Variants in NAT1 observed in about 807,000 individuals in gnomAD.
NAT1 encodes N-acetyltransferase 1.
For synonymous variants in NAT1, 144 were observed against 122.6 expected (o/e 1.17, Z -1.16); for missense variants, 400 against 339.2 (o/e 1.18, Z -1.41).
At chr8:18,211,745 T>C (rs1327717029) in intron 1 of NAT1, among the ~76,000 whole-genome samples, 10 of 152,042 alleles carry the variant, frequency 6.6e-5, no homozygotes, top group Non-Finnish European at 1.5e-5. Flanking sequence ...TAGGTTGTAG[T>C]GTCAATTTAG....
intron 2 of NAT1, among the ~76,000 whole-genome samples, chr8:18,220,848 A>G (rs8190841): frequency 0.018 from 2,760 of 152,304 alleles, 49 homozygotes; most frequent in Middle Eastern, 0.085. Flanking sequence ...ATCTACTTAG[A>G]TCATATGTTA....
chr8:18,172,941 G>A (rs991458695), intron 2 of NAT1, among the ~76,000 whole-genome samples: 11 of 152,200 alleles, frequency 7.2e-5, no homozygotes, highest in Admixed American at 1.3e-4. Flanking sequence ...CAGTGCCCCT[G>A]TAGAAGAACA....
intron 2 of NAT1, among the ~76,000 whole-genome samples, chr8:18,190,570 T>G (rs1159091150): frequency 6.6e-6 from 1 of 152,184 alleles, no homozygotes; most frequent in East Asian, 1.9e-4. Flanking sequence ...TCAGCTGCTT[T>G]CCTCTTTCAG....
At chr8:18,221,905 C>A (rs1805339926) in intron 2 of NAT1, 137 bp from the exon 3 acceptor site, 2 of 930,820 alleles carry the variant, frequency 2.1e-6, no homozygotes, top group Non-Finnish European at 3.2e-6. Flanking sequence ...GGAATTCATA[C>A]AATGAAAGCA....
chr8:18,170,868 GA>G (rs1289974485), intron 2 of NAT1: 1 of 151,094 alleles, frequency 6.6e-6, no homozygotes, highest in Non-Finnish European at 1.5e-5. Context: ...TTATCTCAGC[GA>G]CCTTTGTTCC....
intron 1 of NAT1, among the ~76,000 whole-genome samples, chr8:18,214,048 C>T (rs1589111723): frequency 6.6e-6 from 1 of 152,112 alleles, no homozygotes; most frequent in African/African-American, 2.4e-5. Flanking sequence ...CTCCTGACCT[C>T]GTGATCCGCC....
intron 2 of NAT1, among the ~76,000 whole-genome samples, chr8:18,184,920 T>C (rs993901121): frequency 5.3e-5 from 8 of 152,246 alleles, no homozygotes; most frequent in Non-Finnish European, 1.0e-4. Context: ...AAATGTACAG[T>C]GATATTTGAC....
chr8:18,219,510 A>C, intron 2 of NAT1, 21 bp downstream of exon 2: 1 of 1,444,772 alleles, frequency 6.9e-7, no homozygotes, highest in Non-Finnish European at 9.5e-7. Context: ...CCTTTCTGAG[A>C]GCTCTCAGTG....
intron 2 of NAT1, among the ~76,000 whole-genome samples, chr8:18,172,907 T>C (rs951758019): frequency 2.0e-5 from 3 of 152,186 alleles, no homozygotes; most frequent in East Asian, 1.9e-4. Flanking sequence ...AAACGAGCTG[T>C]TGTATCTGAA....
intron 2 of NAT1, among the ~76,000 whole-genome samples, chr8:18,185,542 G>T (rs1802699157): frequency 6.6e-6 from 1 of 151,932 alleles, no homozygotes; most frequent in African/African-American, 2.4e-5. Flanking sequence ...TTCCCTCTCT[G>T]TATCTGTCTT....
chr8:18,222,240 G>T lies in NAT1; in HGVS notation c.193G>T (p.Gly65Cys). The T allele has an allele frequency of 1.9e-6, 3 of 1,614,082 alleles. No individual in the cohort carries two copies. The highest frequency in any genetic ancestry group is 2.5e-6 in the Non-Finnish European group (3 of 1,179,990). The change falls in exon 3 of 3, where the codon GGT (glycine) becomes TGT (cysteine). Residue 65 changes from glycine (G) to cysteine (C), a missense_variant. Physicochemically the swap from Gly to Cys is radical, Grantham distance 159 (BLOSUM62 -3). Transcript: ENST00000307719. ...IFDQVVRRNR[G>C]GWCLQVNHLL... ...TGATCAAGTTGTGAGAAGAAATCGG[G>T]GTGGATGGTGTCTCCAGGTCAATCA... is the stretch of plus-strand genomic sequence containing the variant.
At chr8:18,192,456 C>G (rs1281524739) in intron 2 of NAT1, among the ~76,000 whole-genome samples, 8 of 152,274 alleles carry the variant, frequency 5.3e-5, no homozygotes, top group Admixed American at 6.5e-5. Flanking sequence ...TCTAGAACTA[C>G]AAATACCATG....
In NAT1 at chr8:18,187,394, A is replaced by G. The variant is rs778674164; in HGVS notation, n.92+16655A>G. On this transcript the variant is annotated intron_variant and non_coding_transcript_variant, in intron 2 of 4. Transcript: ENST00000517441. ...ATTGCTCTACCATAAAGACACATGC[A>G]TATGTATGTTCATTGCAGCACTATT... Among the ~76,000 whole-genome samples the G allele has an allele frequency of 1.9e-4, 29 of 152,218 alleles. 1 individual carries two copies. Among genetic ancestry groups the G allele is most frequent in the East Asian group, 5.8e-4 (3 of 5,196 alleles).
At chr8:18,177,478 A>G (rs1403618986) in intron 2 of NAT1, among the ~76,000 whole-genome samples, 7 of 152,270 alleles carry the variant, frequency 4.6e-5, no homozygotes, top group African/African-American at 1.4e-4. Flanking sequence ...CTTTATTTTT[A>G]TAAGTCCTGA....
intron 2 of NAT1, among the ~76,000 whole-genome samples, chr8:18,178,541 G>A (rs1589051729): frequency 1.3e-5 from 2 of 152,248 alleles, no homozygotes; most frequent in East Asian, 3.9e-4. Flanking sequence ...TGTGTAGACA[G>A]CAGAGAATTA....
chr8:18,196,614 A>C (rs1249355850), intron 2 of NAT1, among the ~76,000 whole-genome samples: 2 of 152,162 alleles, frequency 1.3e-5, no homozygotes, highest in Non-Finnish European at 2.9e-5. Flanking sequence ...GCTGCATTTC[A>C]ATCTGAGAAA....
In NAT1 at chr8:18,222,978, C is replaced by T. The variant is rs4986994; in HGVS notation, c.*58C>T. ...ATCCAGCTCACCAGTTATCAACTGA[C>T]GACCTATCATGTATCTTCTGTACCC... On this transcript the variant is annotated 3_prime_UTR_variant, in exon 3 of 3. Transcript: ENST00000307719. 1.0e-3 allele frequency: 1,494 copies of T among 1,426,436 alleles called. 14 individuals carry two copies. The African/African-American group carries it at 0.017, about 16-fold the overall frequency. 88.4% of individuals were successfully genotyped at this position (1,426,436 alleles called of 1,614,324 possible). A position where few individuals can be genotyped will look rare whatever the true frequency, so the allele number is the denominator to read the frequency against.
At chr8:18,202,559 G>C (rs1390262625) in intron 2 of NAT1, among the ~76,000 whole-genome samples, 1 of 152,130 alleles carries the variant, frequency 6.6e-6, no homozygotes, top group Non-Finnish European at 1.5e-5. Context: ...TGTGGCCTCT[G>C]GAGTTTCTTC....
At chr8:18,182,776 A>G (rs1472038330) in intron 2 of NAT1, among the ~76,000 whole-genome samples, 1 of 152,176 alleles carries the variant, frequency 6.6e-6, no homozygotes, top group African/African-American at 2.4e-5. Context: ...TTTCACTCAA[A>G]AAGTGTTGGG....
Sources: allele counts gnomAD v4.1 joint callset (sites outside exome capture counted in the v4.1 genomes callset), GRCh38; gene constraint gnomAD v4.1.1; transcripts MANE v1.5; gene names NCBI Gene and HGNC (gene_info 2026-07-23, HGNC 2026-07-21).